The following MSH3 variants were observed in gnomAD, a reference collection of about 807,000 sequenced individuals.
MSH3 encodes DNA mismatch repair protein Msh3.
In MSH3, 106 loss-of-function variants were observed where a neutral mutation model predicts 123.3. The observed-to-expected ratio is 0.86, with a 90% CI of 0.73 to 1.01. The LOEUF (loss-of-function observed/expected upper bound fraction) is 1.01, where lower values mean the gene tolerates loss of function less well. Ranked by LOEUF, MSH3 falls within the 50% of genes least tolerant of loss-of-function variation. The pLI is 0.00. For missense variants in MSH3, 1,459 were observed against 1,347.6 expected, an observed-to-expected ratio of 1.08 and a Z score of -1.29; for synonymous variants, 515 against 481.4, an observed-to-expected ratio of 1.07 and a Z score of -0.91.
intron 8 of MSH3, among the ~76,000 whole-genome samples, chr5:80,689,005 A>G (rs1379523586): frequency 6.6e-6 from 1 of 152,200 alleles, no homozygotes; most frequent in African/African-American, 2.4e-5. Context: ...TGGGTAGCAT[A>G]TAGATATGAA....
At chr5:80,655,462 C>CT (rs1435369427) in intron 1 of MSH3, 1 of 211,232 alleles carries the variant, frequency 4.7e-6, no homozygotes, top group African/African-American at 2.3e-5. Flanking sequence ...CCAGTGAACT[C>CT]TTTTTGTAGT....
At chr5:80,668,892 A>C (rs1473015336) in intron 3 of MSH3, among the ~76,000 whole-genome samples, 3 of 152,184 alleles carry the variant, frequency 2.0e-5, no homozygotes, top group Non-Finnish European at 2.9e-5. Context: ...CCAACTCAGA[A>C]GGGGGCGAGG....
intron 19 of MSH3, among the ~76,000 whole-genome samples, chr5:80,803,412 A>T (rs1048952861): frequency 4.0e-5 from 6 of 149,468 alleles, no homozygotes; most frequent in Admixed American, 6.7e-5. Context: ...CCATTTTTAA[A>T]TTTTTTTTCA....
chr5:80,761,755 G>A (rs1347933500), intron 13 of MSH3, 77 bp downstream of exon 13: 2 of 1,480,480 alleles, frequency 1.4e-6, no homozygotes, highest in South Asian at 1.2e-5. Flanking sequence ...GAAAACTTTT[G>A]AGAGCTCTAT....
intron 19 of MSH3, among the ~76,000 whole-genome samples, chr5:80,806,476 C>A (rs1433542214): frequency 6.6e-6 from 1 of 152,128 alleles, no homozygotes; most frequent in Non-Finnish European, 1.5e-5. Flanking sequence ...TGTTTTGTAC[C>A]AGTTTTCAAA....
intron 20 of MSH3, among the ~76,000 whole-genome samples, chr5:80,821,485 C>G (rs575843098): frequency 3.9e-5 from 6 of 152,218 alleles, no homozygotes; most frequent in Non-Finnish European, 8.8e-5. Flanking sequence ...CCCAGAGATA[C>G]TGATCCCATA....
At chr5:80,725,303 T>C (rs1223884700) in intron 8 of MSH3, 150 bp from the exon 9 acceptor site, 2 of 603,444 alleles carry the variant, frequency 3.3e-6, no homozygotes, top group South Asian at 2.0e-5. Context: ...AGAGAAACTT[T>C]AGCTCTTTCT....
intron 19 of MSH3, among the ~76,000 whole-genome samples, chr5:80,810,511 A>G (rs918146826): frequency 6.6e-6 from 1 of 152,150 alleles, no homozygotes; most frequent in African/African-American, 2.4e-5. Flanking sequence ...AGGCGTTTCC[A>G]TATTGCTCTC....
chr5:80,671,345 T>C (rs1677650), intron 4 of MSH3, among the ~76,000 whole-genome samples: 43,435 of 152,012 alleles, frequency 0.29, 6,536 homozygotes, highest in African/African-American at 0.37. Context: ...TCTGTGCTTC[T>C]TGGATGGGAA....
chr5:80,660,429 G>A (rs1312915679), intron 2 of MSH3, among the ~76,000 whole-genome samples: 1 of 152,112 alleles, frequency 6.6e-6, no homozygotes, highest in African/African-American at 2.4e-5. Flanking sequence ...ACCTCTCACT[G>A]GGTCCCTACC....
chr5:80,675,216 T>C, intron 7 of MSH3, 88 bp downstream of exon 7: 1 of 1,359,138 alleles, frequency 7.4e-7, no homozygotes. Context: ...AATAAGGATA[T>C]CTGATGAAGT....
In MSH3 at chr5:80,777,810, C is replaced by T. The variant is rs367596392; in HGVS notation, c.2319-910C>T. Among the ~76,000 whole-genome samples, 15 of 152,186 alleles carry T rather than the reference C, an allele frequency of 9.9e-5. No individual in the cohort carries two copies. In the South Asian group the frequency reaches 2.9e-3, roughly 29 times the overall value. On this transcript the variant is annotated intron_variant, in intron 16 of 23. Transcript: ENST00000265081. ...TGGGGAGCAAAAAAAGACCAGACAC[C>T]TTGACCTTTTCTTCTTGAAGATTTA...
At chr5:80,820,212 T>A (rs772472579) in intron 20 of MSH3, among the ~76,000 whole-genome samples, 7 of 152,202 alleles carry the variant, frequency 4.6e-5, no homozygotes, top group Non-Finnish European at 1.0e-4. Context: ...AAGCCATAAA[T>A]CTGGTTCAAA....
chr5:80,779,525 T>C (rs989396361), intron 17 of MSH3, among the ~76,000 whole-genome samples: 2 of 151,786 alleles, frequency 1.3e-5, no homozygotes, highest in African/African-American at 2.4e-5. Context: ...CCATTTATTA[T>C]TACATCTAAA....
intron 12 of MSH3, among the ~76,000 whole-genome samples, chr5:80,748,460 T>C: frequency 6.6e-6 from 1 of 152,194 alleles, no homozygotes; most frequent in Non-Finnish European, 1.5e-5. Context: ...TCACATTAGC[T>C]TTTATAAATA....
rs571452129 is a variant in MSH3 at position 80,863,759 on chromosome 5, G to C, written c.3001-1054G>C. Among the ~76,000 whole-genome samples, 23 of 152,254 alleles carry C rather than the reference G, an allele frequency of 1.5e-4. No homozygotes were observed. In the East Asian group the frequency reaches 3.7e-3, roughly 24 times the overall value. On this transcript the variant is annotated intron_variant, in intron 21 of 23. Coordinates refer to ENST00000265081, the MANE Select transcript of MSH3 (RefSeq NM_002439.5). ...CTACAGGTAAATTTAAACATTTTCT[G>C]GTTGACAATTGGTTGAGTTTATGTG...
At chr5:80,737,525 A>C (rs1743533851) in intron 10 of MSH3, among the ~76,000 whole-genome samples, 2 of 152,214 alleles carry the variant, frequency 1.3e-5, no homozygotes, top group Non-Finnish European at 2.9e-5. Flanking sequence ...AATTCTAGCC[A>C]GATGTTGTTG....
chr5:80,832,288 T>C (rs545587973), intron 20 of MSH3, among the ~76,000 whole-genome samples: 1 of 152,240 alleles, frequency 6.6e-6, no homozygotes, highest in African/African-American at 2.4e-5. Context: ...TTACTCTTAA[T>C]GGATACAGAG....
At chr5:80,837,532 C>T (rs1014699117) in intron 20 of MSH3, among the ~76,000 whole-genome samples, 1 of 151,974 alleles carries the variant, frequency 6.6e-6, no homozygotes, top group Admixed American at 6.6e-5. Context: ...GAGCCAAGAT[C>T]GTACCATTGT....
Sources: allele counts gnomAD v4.1 joint callset (sites outside exome capture counted in the v4.1 genomes callset), GRCh38; gene constraint gnomAD v4.1.1; transcripts MANE v1.5; gene names NCBI Gene and HGNC (gene_info 2026-07-23, HGNC 2026-07-21).